Variants in PTPRD observed in about 807,000 individuals in gnomAD.
PTPRD encodes the protein protein tyrosine phosphatase receptor type D.
A neutral mutation model predicts 214.5 loss-of-function variants in PTPRD; 34 were observed. That is an observed-to-expected ratio of 0.16 (90% CI 0.12 to 0.21). The LOEUF is 0.21. Ranked by LOEUF, PTPRD falls within the 10% of genes least tolerant of loss-of-function variation. The probability of loss-of-function intolerance (pLI) is 1.00; values close to 1 mark genes in which losing one functional copy is unlikely to be tolerated. For missense variants in PTPRD, 2,545 were observed against 2,398.7 expected (o/e 1.06, Z -1.27); for synonymous variants, 1,128 against 845.7 (o/e 1.33, Z -5.79).
At chr9:9,909,572 A>G (rs1010776276) in intron 5 of PTPRD, among the ~76,000 whole-genome samples, 3 of 152,008 alleles carry the variant, frequency 2.0e-5, no homozygotes. Context: ...TATCTTAGAC[A>G]TCACTGTAAA....
At chr9:8,968,241 A>G (rs1208141086) in intron 11 of PTPRD, among the ~76,000 whole-genome samples, 1 of 152,156 alleles carries the variant, frequency 6.6e-6, no homozygotes, top group African/African-American at 2.4e-5. Flanking sequence ...TTACAGCAGC[A>G]TGATTTATAA....
chr9:8,396,431 G>A (rs997518570), intron 36 of PTPRD, among the ~76,000 whole-genome samples: 26 of 152,040 alleles, frequency 1.7e-4, no homozygotes, highest in Non-Finnish European at 2.6e-4. Flanking sequence ...TCTAAAAACA[G>A]AACCATAGAT....
At chr9:8,804,999 G>A (rs1207184301) in intron 11 of PTPRD, among the ~76,000 whole-genome samples, 1 of 152,188 alleles carries the variant, frequency 6.6e-6, no homozygotes, top group Admixed American at 6.5e-5. Context: ...GAAAAAGAAG[G>A]GGAGGCTCAG....
intron 4 of PTPRD, among the ~76,000 whole-genome samples, chr9:9,941,954 G>C (rs2091572106): frequency 6.6e-6 from 1 of 152,100 alleles, no homozygotes; most frequent in African/African-American, 2.4e-5. Flanking sequence ...AAAATAAAGA[G>C]TTGAATCTCC....
chr9:8,500,699 A>G (rs2136937529), intron 24 of PTPRD, 55 bp downstream of exon 24: 1 of 1,544,498 alleles, frequency 6.5e-7, no homozygotes, highest in Middle Eastern at 2.0e-4. Flanking sequence ...ATTGAAAGAC[A>G]GCAGATCAAG....
chr9:10,000,903 G>A lies in PTPRD; in HGVS notation c.-472+32815C>T, dbSNP rs950102257. Among the ~76,000 whole-genome samples the A allele has an allele frequency of 9.9e-5, 15 of 152,230 alleles. 1 individual carries two copies. In the South Asian group the frequency reaches 1.0e-3, roughly 11 times the overall value. On this transcript the variant is annotated intron_variant, in intron 4 of 45. Transcript: ENST00000381196. Reference sequence around the variant, plus strand: ...TTAAGAGCCTGGGGTGGGAGGGTCAGGTTTTTCTGGGCTATGTGAAATACA... The same window carrying A: ...TTAAGAGCCTGGGGTGGGAGGGTCAAGTTTTTCTGGGCTATGTGAAATACA...
At chr9:10,353,086 A>T (rs1223275151) in intron 2 of PTPRD, among the ~76,000 whole-genome samples, 1 of 152,012 alleles carries the variant, frequency 6.6e-6, no homozygotes, top group African/African-American at 2.4e-5. Context: ...CAAATTTTCA[A>T]ACAACTTACC....
intron 4 of PTPRD, among the ~76,000 whole-genome samples, chr9:9,970,579 CA>C (rs1392309251): frequency 2.6e-5 from 4 of 152,122 alleles, no homozygotes; most frequent in African/African-American, 4.8e-5. Flanking sequence ...CTCCTCCCCC[CA>C]CACAGGGCAG....
rs538882513 is a variant in PTPRD, at chr9:9,488,174, A to T, written c.-237+86558T>A. Among the ~76,000 whole-genome samples the T allele has an allele frequency of 7.2e-5, 11 of 152,216 alleles. No individual in the cohort carries two copies. The South Asian group carries it at 2.3e-3, about 32-fold the overall frequency. ...ATATTTTTCTCCCAGTGTCAAGATG[A>T]ATATGTATTTCCTTACACTATTCAC... On this transcript the variant is annotated intron_variant, in intron 8 of 45. Transcript: ENST00000381196.
intron 33 of PTPRD, among the ~76,000 whole-genome samples, chr9:8,454,048 G>C (rs183816936): frequency 6.6e-6 from 1 of 152,278 alleles, no homozygotes; most frequent in African/African-American, 2.4e-5. Flanking sequence ...TAATCACATA[G>C]TGTATTTTAG....
At chr9:9,613,991 A>G (rs1023174368) in intron 7 of PTPRD, among the ~76,000 whole-genome samples, 1 of 152,188 alleles carries the variant, frequency 6.6e-6, no homozygotes, top group Admixed American at 6.5e-5. Context: ...CACGGTCCTC[A>G]TCAATAATAC....
chr9:9,537,399 A>G (rs2076741634), intron 8 of PTPRD, among the ~76,000 whole-genome samples: 1 of 151,986 alleles, frequency 6.6e-6, no homozygotes, highest in Non-Finnish European at 1.5e-5. Context: ...ACACAGTGAC[A>G]TCATCATACT....
intron 9 of PTPRD, among the ~76,000 whole-genome samples, chr9:9,367,018 G>A (rs1217155542): frequency 6.6e-6 from 1 of 151,224 alleles, no homozygotes. Context: ...TCAGGATATT[G>A]TAATACATTG....
At chr9:9,864,152 A>G (rs991499086) in intron 5 of PTPRD, among the ~76,000 whole-genome samples, 2 of 152,102 alleles carry the variant, frequency 1.3e-5, no homozygotes, top group Admixed American at 6.5e-5. Context: ...TAAAAAATAC[A>G]AAAATTAGCT....
chr9:8,595,270 A>G (rs2094418678), intron 14 of PTPRD, among the ~76,000 whole-genome samples: 1 of 151,918 alleles, frequency 6.6e-6, no homozygotes. Flanking sequence ...GAGTTTGATC[A>G]CATGATAAGC....
chr9:10,239,299 A>G (rs1310596741), intron 3 of PTPRD, among the ~76,000 whole-genome samples: 1 of 151,952 alleles, frequency 6.6e-6, no homozygotes, highest in African/African-American at 2.4e-5. Context: ...GGTATAATAA[A>G]TGTGATAAAG....
At chr9:10,127,911 G>A (rs1469157720) in intron 3 of PTPRD, among the ~76,000 whole-genome samples, 1 of 152,206 alleles carries the variant, frequency 6.6e-6, no homozygotes, top group East Asian at 1.9e-4. Context: ...GGGTATATAG[G>A]GTGTGGAGAA....
At chr9:9,336,059 T>C (rs1335887988) in intron 9 of PTPRD, among the ~76,000 whole-genome samples, 2 of 152,126 alleles carry the variant, frequency 1.3e-5, no homozygotes, top group African/African-American at 2.4e-5. Flanking sequence ...ATATTACATA[T>C]ATTTCCATCA....
chr9:9,031,942 T>C (rs2099606914), intron 10 of PTPRD, among the ~76,000 whole-genome samples: 1 of 152,068 alleles, frequency 6.6e-6, no homozygotes. Context: ...ATCTACAGAT[T>C]TTGATTCTTT....
Sources: allele counts gnomAD v4.1 joint callset (sites outside exome capture counted in the v4.1 genomes callset), GRCh38; gene constraint gnomAD v4.1.1; transcripts MANE v1.5; gene names NCBI Gene and HGNC (gene_info 2026-07-23, HGNC 2026-07-21).